BBS9: variants seen among roughly 807,000 people sequenced by gnomAD.
The protein encoded by BBS9 is protein PTHB1.
A neutral mutation model predicts 117.7 loss-of-function variants in BBS9; 89 were observed. The ratio of observed to expected loss-of-function variants is 0.76; its 90% confidence interval spans 0.64 to 0.90. The LOEUF (loss-of-function observed/expected upper bound fraction) is 0.90. Ranked by LOEUF, BBS9 falls within the 40% of genes least tolerant of loss-of-function variation. The pLI, the probability that BBS9 is intolerant of heterozygous loss-of-function variation, is 0.00. For synonymous variants in BBS9, 379 were observed against 370.9 expected (o/e 1.02, Z -0.25); for missense variants, 982 against 1,042.2 (o/e 0.94, Z 0.80).
intron 5 of BBS9, among the ~76,000 whole-genome samples, chr7:33,185,252 A>G (rs756917474): frequency 6.6e-6 from 1 of 151,804 alleles, no homozygotes; most frequent in Non-Finnish European, 1.5e-5. Flanking sequence ...GTGACTTGGA[A>G]TGTCTAACCT....
At chr7:33,584,809 G>A (rs971839643) in intron 21 of BBS9, among the ~76,000 whole-genome samples, 6 of 152,070 alleles carry the variant, frequency 3.9e-5, no homozygotes, top group African/African-American at 9.7e-5. Context: ...GCATGGTGAT[G>A]CTAACTTTGG....
intron 19 of BBS9, among the ~76,000 whole-genome samples, chr7:33,409,262 T>A (rs980788938): frequency 2.0e-5 from 3 of 152,204 alleles, no homozygotes; most frequent in Non-Finnish European, 4.4e-5. Flanking sequence ...TTTCCTATCT[T>A]TTCTTCTAGG....
intron 21 of BBS9, among the ~76,000 whole-genome samples, chr7:33,588,884 G>A (rs1227767253): frequency 6.6e-6 from 1 of 152,160 alleles, no homozygotes; most frequent in Non-Finnish European, 1.5e-5. Context: ...AGAGGACAGT[G>A]AGGTGGTGTG....
rs780588389 is a variant in BBS9 at position 33,388,137 on chromosome 7, A to G, written c.2108A>G (p.Tyr703Cys). 3.1e-6 allele frequency: 5 copies of G among 1,613,976 alleles called. No individual in the cohort carries two copies. The East Asian group carries it at 6.7e-5, about 22-fold the overall frequency. Reference protein sequence around the residue: ...QHLDTLLDGTYKQVIALADAV... With the variant: ...QHLDTLLDGTCKQVIALADAV... ...CTGGACACCTTGTTAGATGGAACCT[A>G]CAAGCAGGTCAGTATAATATCAGTA... Residue 703 changes from tyrosine (Y) to cysteine (C), a missense_variant, in exon 19 of 23, where the codon TAC (tyrosine) becomes TGC (cysteine). By Grantham distance (194) the Tyr-to-Cys change is radical. Transcript: ENST00000242067.
chr7:33,598,033 C>T (rs917415224), intron 21 of BBS9, among the ~76,000 whole-genome samples: 19 of 152,104 alleles, frequency 1.2e-4, no homozygotes, highest in South Asian at 6.2e-4. Flanking sequence ...TGATCTGCCT[C>T]GGGTCCTACA....
intron 3 of BBS9, among the ~76,000 whole-genome samples, chr7:33,154,178 G>A (rs924267125): frequency 6.6e-6 from 1 of 152,172 alleles, no homozygotes. Flanking sequence ...AGGTGATACT[G>A]ATTATGTGAT....
chr7:33,425,704 G>A (rs1406966354), intron 19 of BBS9, among the ~76,000 whole-genome samples: 2 of 152,238 alleles, frequency 1.3e-5, no homozygotes, highest in Non-Finnish European at 2.9e-5. Flanking sequence ...GTTGGAAGAA[G>A]TGGGGAATTA....
intron 21 of BBS9, among the ~76,000 whole-genome samples, chr7:33,589,239 A>T (rs1166374439): frequency 6.6e-6 from 1 of 152,158 alleles, no homozygotes; most frequent in Non-Finnish European, 1.5e-5. Context: ...TTTCCTATAC[A>T]ATAACAGGCA....
At chr7:33,346,144 C>T in intron 12 of BBS9, 1 of 377,198 alleles carries the variant, frequency 2.7e-6, no homozygotes, top group Admixed American at 3.2e-5. Context: ...ACACAGCAGA[C>T]ACAATGTCTT....
intron 1 of BBS9, among the ~76,000 whole-genome samples, chr7:33,130,260 TC>T (rs1370670945): frequency 6.6e-6 from 1 of 152,142 alleles, no homozygotes; most frequent in Non-Finnish European, 1.5e-5. Context: ...TTTTAAGGAT[TC>T]CATTGAGGAA....
In BBS9 at chr7:33,563,958, C is replaced by G. The variant is rs563251173; in HGVS notation, c.2521+29782C>G. On this transcript the variant is annotated intron_variant, in intron 21 of 22. Coordinates refer to ENST00000242067, the MANE Select transcript of BBS9 (RefSeq NM_198428.3). ...TCTCTGTATATTGCTGCCGATAAGA[C>G]CACATACTTACTGGAACTTATGCTT... Among the ~76,000 whole-genome samples, 3 of 152,258 alleles carry G rather than the reference C, an allele frequency of 2.0e-5. No individual in the cohort carries two copies. The East Asian group carries it at 5.8e-4, about 29-fold the overall frequency.
At chr7:33,185,168 G>C (rs915677087) in intron 5 of BBS9, among the ~76,000 whole-genome samples, 3 of 152,144 alleles carry the variant, frequency 2.0e-5, no homozygotes, top group African/African-American at 7.2e-5. Flanking sequence ...GTTTTGGCTG[G>C]CTTCTTTACT....
intron 20 of BBS9, among the ~76,000 whole-genome samples, chr7:33,532,826 C>CTTTTT (rs896259714): frequency 2.6e-5 from 4 of 152,102 alleles, no homozygotes; most frequent in Non-Finnish European, 5.9e-5. Context: ...TCTCAGGGCT[C>CTTTTT]TTACTTCTAA....
At chr7:33,272,939 T>C in intron 7 of BBS9, 73 bp from the exon 8 acceptor site, 1 of 1,429,220 alleles carries the variant, frequency 7.0e-7, no homozygotes, top group South Asian at 1.1e-5. Context: ...AATTTCTTAA[T>C]TTATATTGAT....
At chr7:33,456,897 G>A (rs1838729539) in intron 19 of BBS9, among the ~76,000 whole-genome samples, 1 of 152,170 alleles carries the variant, frequency 6.6e-6, no homozygotes, top group Non-Finnish European at 1.5e-5. Context: ...CTGATCATTA[G>A]TTGGTTTTCC....
intron 9 of BBS9, among the ~76,000 whole-genome samples, chr7:33,299,586 C>A (rs1805960388): frequency 6.8e-6 from 1 of 147,976 alleles, no homozygotes; most frequent in Non-Finnish European, 1.5e-5. Context: ...TAGTAATATT[C>A]ACAATTTAGT....
chr7:33,436,811 G>A (rs931803226), intron 19 of BBS9, among the ~76,000 whole-genome samples: 6 of 152,218 alleles, frequency 3.9e-5, no homozygotes, highest in Non-Finnish European at 4.4e-5. Flanking sequence ...GTTAGTAAGT[G>A]TTCTCATTGT....
At chr7:33,368,268 A>T (rs1049551525) in intron 17 of BBS9, among the ~76,000 whole-genome samples, 3 of 152,176 alleles carry the variant, frequency 2.0e-5, no homozygotes, top group Non-Finnish European at 4.4e-5. Context: ...GTTTGCATAT[A>T]TTCTTGTTTA....
Position 33,463,947 on chromosome 7 carries a change from G to T in BBS9, c.2116-41516G>T, listed in dbSNP as rs78005371. On this transcript the variant is annotated intron_variant, in intron 19 of 22. Transcript: ENST00000242067. ...TATCCATTGCCTGTTGTTCAGTGAG[G>T]TAGACAAATCTTACAGTATAATGTC... Among the ~76,000 whole-genome samples the T allele has an allele frequency of 0.018, 2,743 of 152,058 alleles. 207 individuals carry two copies. In the East Asian group the frequency reaches 0.26, roughly 15 times the overall value.
Sources: gnomAD v4.1 joint callset for allele counts (sites outside exome capture counted in the v4.1 genomes callset) on GRCh38, gnomAD v4.1.1 for gene constraint, MANE v1.5 for transcripts, NCBI Gene and HGNC (gene_info 2026-07-23, HGNC 2026-07-21) for gene names.